The following MYO3B variants were observed in gnomAD, a reference collection of about 807,000 sequenced individuals.
MYO3B encodes the protein myosin IIIB, also known as myosin-IIIb.
MYO3B carries 156 observed loss-of-function variants against 174.6 expected under a neutral mutation model. The observed-to-expected ratio is 0.89, with a 90% confidence interval of 0.78 to 1.02. MYO3B has a LOEUF of 1.02. Ranked by LOEUF, MYO3B falls within the 50% of genes least tolerant of loss-of-function variation. The pLI, the probability that MYO3B is intolerant of heterozygous loss-of-function variation, is 0.00. For missense variants in MYO3B, 1,632 were observed against 1,639.4 expected (o/e 1.00, Z 0.08); for synonymous variants, 563 against 569.1 (o/e 0.99, Z 0.15).
chr2:170,493,832 ACG>A (rs1316198573), intron 25 of MYO3B, among the ~76,000 whole-genome samples: 1 of 151,516 alleles, frequency 6.6e-6, no homozygotes, highest in Non-Finnish European at 1.5e-5. Flanking sequence ...GGAGAGGCCC[ACG>A]TGGCAAGGAG....
At chr2:170,300,308 G>A (rs2093657704) in intron 7 of MYO3B, among the ~76,000 whole-genome samples, 1 of 152,182 alleles carries the variant, frequency 6.6e-6, no homozygotes, top group Admixed American at 6.5e-5. Context: ...GATGAGCTAT[G>A]TTCTGGATAG....
At position 170,383,205 on chromosome 2, in the gene MYO3B, A is replaced by G; in HGVS notation, c.1185+16A>G. On this transcript the variant is annotated intron_variant, in intron 11 of 34. Coordinates refer to ENST00000408978, the MANE Select transcript of MYO3B (RefSeq NM_138995.5). ...CTCTCCACAGGTAAGGGATGTTTTA[A>G]GAGCATACTGCTCCTTAATAGGAAA... is the stretch of plus-strand genomic sequence containing the variant. 1 of 1,415,600 alleles carries G rather than the reference A, an allele frequency of 7.1e-7. No homozygotes were observed. The highest frequency in any genetic ancestry group is 1.0e-6 in the Non-Finnish European group (1 of 1,001,240). 87.7% of individuals were successfully genotyped at this position (1,415,600 alleles called of 1,614,324 possible). A position where few individuals can be genotyped will look rare whatever the true frequency, so the allele number is the denominator to read the frequency against.
intron 22 of MYO3B, among the ~76,000 whole-genome samples, chr2:170,438,059 A>G (rs1354682144): frequency 6.6e-6 from 1 of 152,172 alleles, no homozygotes; most frequent in African/African-American, 2.4e-5. Flanking sequence ...CTAAAACTCA[A>G]TACCCACTGA....
intron 30 of MYO3B, among the ~76,000 whole-genome samples, chr2:170,539,623 AT>A (rs60303631): frequency 0.92 from 137,295 of 148,774 alleles, 63,466 homozygotes; most frequent in African/African-American, 0.98. Flanking sequence ...TTATTTATTT[AT>A]TTTTTTTTTT....
rs576833957 is a variant in MYO3B, at chr2:170,632,137, T to C, written c.3734-19491T>C. On this transcript the variant is annotated intron_variant, in intron 32 of 34. Coordinates refer to ENST00000408978, the MANE Select transcript of MYO3B (RefSeq NM_138995.5). Reference sequence around the variant, plus strand: ...TCAGCTCTGCACCAAGCAGACCTAATAGACATCTACAGAACTCTCCACCCC... The same window carrying C: ...TCAGCTCTGCACCAAGCAGACCTAACAGACATCTACAGAACTCTCCACCCC... Among the ~76,000 whole-genome samples, 18 of 152,268 alleles carry C rather than the reference T, an allele frequency of 1.2e-4. No individual in the cohort carries two copies. The South Asian group carries it at 3.5e-3, about 30-fold the overall frequency.
At chr2:170,504,878 A>G (rs750979968) in intron 28 of MYO3B, among the ~76,000 whole-genome samples, 2 of 152,160 alleles carry the variant, frequency 1.3e-5, no homozygotes, top group South Asian at 2.1e-4. Flanking sequence ...TCTGACAGCC[A>G]GTGGTCTTGG....
At chr2:170,419,141 C>T (rs2094599427) in intron 22 of MYO3B, among the ~76,000 whole-genome samples, 1 of 152,190 alleles carries the variant, frequency 6.6e-6, no homozygotes, top group Non-Finnish European at 1.5e-5. Context: ...GCCAGTCTGG[C>T]AAGGGATCAT....
intron 31 of MYO3B, 79 bp downstream of exon 31, chr2:170,543,045 C>A: frequency 8.4e-7 from 1 of 1,197,002 alleles, no homozygotes; most frequent in Non-Finnish European, 1.2e-6. Flanking sequence ...TGAAGCTTGT[C>A]TGCGGCTGCG....
intron 6 of MYO3B, among the ~76,000 whole-genome samples, chr2:170,221,163 A>G (rs1055926388): frequency 2.6e-5 from 4 of 152,018 alleles, no homozygotes; most frequent in Admixed American, 6.6e-5. Context: ...TGGTATATTG[A>G]TCCTGATATG....
chr2:170,372,135 AAAAAAAAAAAC>A (rs2094252492), intron 9 of MYO3B, among the ~76,000 whole-genome samples: 3 of 148,400 alleles, frequency 2.0e-5, no homozygotes, highest in South Asian at 2.1e-4. Context: ...AAAAAAAAAA[AAAAAAAAAAAC>A]AACAACAACA....
chr2:170,385,281 G>A (rs187254111), intron 12 of MYO3B, among the ~76,000 whole-genome samples: 1 of 152,254 alleles, frequency 6.6e-6, no homozygotes, highest in African/African-American at 2.4e-5. Context: ...AAGTTGGGAG[G>A]TAGGGCTGAA....
chr2:170,637,720 G>C (rs951927632), intron 32 of MYO3B, among the ~76,000 whole-genome samples: 1 of 152,180 alleles, frequency 6.6e-6, no homozygotes, highest in Non-Finnish European at 1.5e-5. Context: ...TTAAATTCTT[G>C]ATTAGAGCAG....
chr2:170,510,495 A>AG (rs892375446), intron 28 of MYO3B, among the ~76,000 whole-genome samples: 11 of 152,228 alleles, frequency 7.2e-5, no homozygotes, highest in African/African-American at 2.7e-4. Context: ...GAAACTTTTA[A>AG]GGGGGGTGTG....
At chr2:170,239,185 A>G (rs908471066) in intron 7 of MYO3B, among the ~76,000 whole-genome samples, 1 of 152,236 alleles carries the variant, frequency 6.6e-6, no homozygotes, top group African/African-American at 2.4e-5. Context: ...ACTGTCTCTC[A>G]TGACTCTTTA....
intron 16 of MYO3B, among the ~76,000 whole-genome samples, chr2:170,394,957 T>G (rs1412817929): frequency 6.6e-6 from 1 of 152,230 alleles, no homozygotes; most frequent in Non-Finnish European, 1.5e-5. Flanking sequence ...AATGAACTGA[T>G]CAAGTCAATC....
At chr2:170,423,667 G>A (rs565223899) in intron 22 of MYO3B, among the ~76,000 whole-genome samples, 10 of 139,252 alleles carry the variant, frequency 7.2e-5, no homozygotes, top group African/African-American at 2.1e-4. Context: ...TGCAACCTCC[G>A]CCTCCTGGGT....
chr2:170,606,661 T>A lies in MYO3B; in HGVS notation c.3734-44967T>A, dbSNP rs576511645. 7.2e-5 allele frequency among the ~76,000 whole-genome samples: 11 copies of A among 152,358 alleles called. 1 individual carries two copies. Among genetic ancestry groups the A allele is most frequent in the Admixed American group, 6.5e-4 (10 of 15,298 alleles). ...ACATTCGATCAATGATGAGCATTGC[T>A]GTGGATTTAGGAATGCGTAAATATT... On this transcript the variant is annotated intron_variant, in intron 32 of 34. Transcript: ENST00000408978.
rs55913448 is a variant in MYO3B at position 170,474,743 on chromosome 2, CAAAAAAAAAAAAAAAAAAAAAAAA to C, written c.3014+8050_3014+8073del. On this transcript the variant is annotated intron_variant, in intron 25 of 34. Transcript: ENST00000408978. ...GGGTGACAAGAGTGAAACTCCGTCT[CAAAAAAAAAAAAAAAAAAAAAAAA>C]AAAAAAAAAAAAAAAAAGATAGGCA... Among the ~76,000 whole-genome samples the C allele has an allele frequency of 2.1e-4, 8 of 37,592 alleles. 1 individual carries two copies. Among genetic ancestry groups the C allele is most frequent in the Admixed American group, 4.4e-4 (1 of 2,280 alleles). 24.7% of individuals were successfully genotyped at this position (37,592 alleles called of 152,430 possible). A position where few individuals can be genotyped will look rare whatever the true frequency, so the allele number is the denominator to read the frequency against.
chr2:170,401,915 G>T (rs964706265), intron 18 of MYO3B, among the ~76,000 whole-genome samples: 1 of 150,388 alleles, frequency 6.6e-6, no homozygotes, highest in East Asian at 2.0e-4. Context: ...TGATTCAACT[G>T]CCTCCGCCTC....
Sources: gnomAD v4.1 joint callset for allele counts (sites outside exome capture counted in the v4.1 genomes callset) on GRCh38, gnomAD v4.1.1 for gene constraint, MANE v1.5 for transcripts, NCBI Gene and HGNC (gene_info 2026-07-23, HGNC 2026-07-21) for gene names.